The following CHD7 variants were observed in gnomAD, a reference collection of about 807,000 sequenced individuals.
CHD7 encodes the protein chromodomain helicase DNA binding protein 7.
A neutral mutation model predicts 307.3 loss-of-function variants in CHD7; 24 were observed. The ratio of observed to expected loss-of-function variants is 0.08; its 90% CI spans 0.06 to 0.11. CHD7 has a LOEUF of 0.11. Among genes scored for constraint, CHD7 ranks in the 10% least tolerant of loss-of-function variants. The pLI is 1.00. For synonymous variants in CHD7, 1,363 were observed against 1,349.9 expected (o/e 1.01, Z -0.21); for missense variants, 3,106 against 3,727.1 (o/e 0.83, Z 4.34).
rs1806245965 is a variant in CHD7 at position 60,866,450 on chromosome 8, C to CT, written c.*518dup. The CT allele has an allele frequency of 6.5e-6, 1 of 152,706 alleles. No homozygotes were observed. Among genetic ancestry groups the CT allele is most frequent in the African/African-American group, 2.4e-5 (1 of 41,432 alleles). 9.5% of individuals were successfully genotyped at this position (152,706 alleles called of 1,614,324 possible). On this transcript the variant is annotated 3_prime_UTR_variant, in exon 38 of 38. Transcript: ENST00000423902. ...GTGCATACACACACATCCATACACT[C>CT]TGACAATCTCCACGCTAGTGTGAAC...
intron 2 of CHD7, among the ~76,000 whole-genome samples, chr8:60,753,305 C>G (rs1809729151): frequency 6.6e-6 from 1 of 152,114 alleles, no homozygotes; most frequent in South Asian, 2.1e-4. Context: ...TGTGGGAACC[C>G]CTGTGCTCAG....
intron 2 of CHD7, among the ~76,000 whole-genome samples, chr8:60,744,070 A>T (rs1809196783): frequency 6.6e-6 from 1 of 152,212 alleles, no homozygotes. Flanking sequence ...GTCCAGAGAG[A>T]GGAAATAACC....
In CHD7 at chr8:60,694,939, G is replaced by A. The variant is rs1806392377; in HGVS notation, c.-175+15857G>A. Among the ~76,000 whole-genome samples the A allele has an allele frequency of 2.0e-5, 3 of 152,152 alleles. No individual in the cohort carries two copies. In the South Asian group the frequency reaches 6.2e-4, roughly 32 times the overall value. On this transcript the variant is annotated intron_variant, in intron 1 of 37. Transcript: ENST00000423902. ...AGTTTGGCAGCATGTGATGGATTGC[G>A]GTTGAAGAGAGACTAGAGGCAAAAA... is the stretch of plus-strand genomic sequence containing the variant.
rs1803653884 is a variant in CHD7, at chr8:60,814,920, A to G, written c.2499-1467A>G. 1.3e-5 allele frequency among the ~76,000 whole-genome samples: 2 copies of G among 152,250 alleles called. 1 individual carries two copies. The highest frequency in any genetic ancestry group is 4.1e-4 in the South Asian group (2 of 4,834). On this transcript the variant is annotated intron_variant, in intron 7 of 37. Transcript: ENST00000423902. ...TTGCATTATGCTTTAATGGTTAAGC[A>G]TCCCAAATCTGAAATCCAAAATGCT... is the stretch of plus-strand genomic sequence containing the variant.
chr8:60,690,655 A>G (rs562633225), intron 1 of CHD7, among the ~76,000 whole-genome samples: 2 of 152,358 alleles, frequency 1.3e-5, no homozygotes, highest in African/African-American at 2.4e-5. Flanking sequence ...ATTCAAGGAC[A>G]TAAGTAATTT....
At chr8:60,782,146 C>T (rs62526494) in intron 3 of CHD7, among the ~76,000 whole-genome samples, 9,046 of 152,250 alleles carry the variant, frequency 0.059, 370 homozygotes, top group Non-Finnish European at 0.093. Context: ...CTGTTCTGAA[C>T]CAGTTCCAGA....
chr8:60,777,338 A>G (rs1343627042), intron 2 of CHD7, among the ~76,000 whole-genome samples: 1 of 152,250 alleles, frequency 6.6e-6, no homozygotes, highest in Non-Finnish European at 1.5e-5. Flanking sequence ...CACTGTTAAC[A>G]TTGCATCACT....
chr8:60,865,372 C>A lies in CHD7; in HGVS notation c.8433C>A (p.Gly2811=). The A allele has an allele frequency of 6.2e-7, 1 of 1,612,220 alleles. No homozygotes were observed. The highest frequency in any genetic ancestry group is 2.2e-5 in the East Asian group (1 of 44,836). Residue 2811 remains glycine (G), a synonymous_variant, in exon 38 of 38, where the codon GGC becomes GGA. Transcript: ENST00000423902. The surrounding 1 kb of genome is among the most constrained non-coding windows in gnomAD (Gnocchi z 4.3). ...PGMAGLPNVF[G]LGGLLNNPLS... ...TGGCGGGCCTGCCCAACGTGTTTGG[C>A]TTGGGCGGGCTGTTGAATAACCCTC...
intron 2 of CHD7, among the ~76,000 whole-genome samples, chr8:60,780,165 G>A (rs1349267787): frequency 1.3e-5 from 2 of 152,198 alleles, no homozygotes; most frequent in Non-Finnish European, 2.9e-5. Flanking sequence ...GGAGGCTGTT[G>A]TATGCAGGAG....
At chr8:60,813,965 G>GA (rs1464706819) in intron 7 of CHD7, among the ~76,000 whole-genome samples, 1 of 152,012 alleles carries the variant, frequency 6.6e-6, no homozygotes, top group Non-Finnish European at 1.5e-5. Context: ...ATTTTTAAAT[G>GA]AAATTTTGTT....
rs190778150 is a variant in CHD7, at chr8:60,750,515, C to T, written c.1665+7418C>T. Among the ~76,000 whole-genome samples, 361 of 152,294 alleles carry T rather than the reference C, an allele frequency of 2.4e-3. 2 individuals are homozygous for T. Among genetic ancestry groups the T allele is most frequent in the African/African-American group, 7.0e-3 (292 of 41,552 alleles). On this transcript the variant is annotated intron_variant, in intron 2 of 37. Coordinates refer to ENST00000423902, the MANE Select transcript of CHD7 (RefSeq NM_017780.4). ...TATATGATGGGAGCTACAAATACAA[C>T]GCATTTATGTTGATACAGATTTTCT... is the stretch of plus-strand genomic sequence containing the variant.
In CHD7 at chr8:60,823,848, G is replaced by C. The variant is rs771209386; in HGVS notation, c.3210G>C (p.Val1070=). ...EMYFKDPQGR[V]IKGSYKFHAI... ...CAGAGTTGTTCTTATAGGGTCGAGT[G>C]ATAAAGGGGTCCTATAAGTTTCATG... Residue 1070 remains valine (V), a synonymous_variant, in exon 13 of 38, where the codon GTG becomes GTC. Coordinates refer to ENST00000423902, the MANE Select transcript of CHD7 (RefSeq NM_017780.4). The C allele has an allele frequency of 6.2e-7, 1 of 1,613,190 alleles. No individual in the cohort carries two copies. The highest frequency in any genetic ancestry group is 8.5e-7 in the Non-Finnish European group (1 of 1,179,314).
rs1807843527 is a variant in CHD7, at chr8:60,720,474, G to A, written c.-174-20785G>A. Reference sequence around the variant, plus strand: ...TTACTGTCTTTTGCCAATTTGATAGGTGCCTTTCTTTTATTACCAGTGAAG... The same window carrying A: ...TTACTGTCTTTTGCCAATTTGATAGATGCCTTTCTTTTATTACCAGTGAAG... On this transcript the variant is annotated intron_variant, in intron 1 of 37. Transcript: ENST00000423902. Among the ~76,000 whole-genome samples, 4 of 152,106 alleles carry A rather than the reference G, an allele frequency of 2.6e-5. No individual in the cohort carries two copies. The South Asian group carries it at 8.3e-4, about 31-fold the overall frequency.
At chr8:60,745,019 C>A (rs1409055193) in intron 2 of CHD7, among the ~76,000 whole-genome samples, 1 of 150,066 alleles carries the variant, frequency 6.7e-6, no homozygotes, top group South Asian at 2.1e-4. Flanking sequence ...AGCCGGTGGG[C>A]AGGGCAGCTT....
chr8:60,793,701 AAAT>A (rs1395219461), intron 3 of CHD7, among the ~76,000 whole-genome samples: 1 of 152,212 alleles, frequency 6.6e-6, no homozygotes, highest in Non-Finnish European at 1.5e-5. Flanking sequence ...AAGGTTTTTG[AAAT>A]ACAGCTTTTG....
At chr8:60,728,737 C>T (rs1335335910) in intron 1 of CHD7, among the ~76,000 whole-genome samples, 2 of 151,860 alleles carry the variant, frequency 1.3e-5, no homozygotes, top group Non-Finnish European at 2.9e-5. Flanking sequence ...ACAGGTTGAC[C>T]TTTAAACAGG....
intron 13 of CHD7, among the ~76,000 whole-genome samples, chr8:60,825,812 A>G (rs1271134175): frequency 6.6e-6 from 1 of 152,032 alleles, no homozygotes; most frequent in Non-Finnish European, 1.5e-5. Context: ...ATTTAACTCC[A>G]TCAAGATCAA....
At chr8:60,700,107 G>C (rs1386987568) in intron 1 of CHD7, among the ~76,000 whole-genome samples, 1 of 151,990 alleles carries the variant, frequency 6.6e-6, no homozygotes, top group Non-Finnish European at 1.5e-5. Context: ...CAAAGTGCTG[G>C]GATTATAGGT....
intron 2 of CHD7, among the ~76,000 whole-genome samples, chr8:60,780,714 AACAG>A (rs1326384887): frequency 2.6e-5 from 4 of 152,192 alleles, no homozygotes; most frequent in African/African-American, 9.7e-5. Context: ...CTGTTTAAAA[AACAG>A]ACAGTGTCTT....
Sources: allele counts gnomAD v4.1 joint callset (sites outside exome capture counted in the v4.1 genomes callset), GRCh38; gene constraint gnomAD v4.1.1; non-coding constraint Gnocchi (gnomAD v3.1); transcripts MANE v1.5; gene names NCBI Gene and HGNC (gene_info 2026-07-23, HGNC 2026-07-21).